TMEM230: variants seen among roughly 807,000 people sequenced by gnomAD.
TMEM230 encodes transmembrane protein 230.
In TMEM230, 10 loss-of-function variants were observed where a neutral mutation model predicts 15.8. The observed-to-expected ratio is 0.63, with a 90% CI of 0.39 to 1.07. TMEM230 has a LOEUF of 1.07. Ranked by LOEUF, TMEM230 falls within the 50% of genes least tolerant of loss-of-function variation. The pLI is 0.01. For synonymous variants in TMEM230, 67 were observed against 76.9 expected (o/e 0.87, Z 0.68); for missense variants, 165 against 193.3 (o/e 0.85, Z 0.87).
At chr20:5,094,704 C>CACAAAA (rs1246439101) in intron 3 of TMEM230, among the ~76,000 whole-genome samples, 16 of 61,618 alleles carry the variant, frequency 2.6e-4, no homozygotes, top group Non-Finnish European at 3.1e-4. Context: ...GACTCCATCT[C>CACAAAA]AAAAAAAAAA....
At chr20:5,090,069 AT>A (rs760147736) in intron 3 of TMEM230, among the ~76,000 whole-genome samples, 16 of 152,158 alleles carry the variant, frequency 1.1e-4, no homozygotes, top group Non-Finnish European at 2.4e-4. Context: ...AACTGAGGAA[AT>A]CTTCCACAAA....
chr20:5,067,762 CT>C (rs3056049), downstream of TMEM230, among the ~76,000 whole-genome samples: 206 of 135,736 alleles, frequency 1.5e-3, no homozygotes, highest in Middle Eastern at 3.9e-3. Context: ...CCCCCCTCTG[CT>C]TTTTTTTTTT....
chr20:5,066,181 C>CT (rs1322871096), downstream of TMEM230: 2 of 152,290 alleles, frequency 1.3e-5, no homozygotes, highest in Non-Finnish European at 2.9e-5. Flanking sequence ...CCAGACCAGG[C>CT]TGGGACTGGC....
chr20:5,104,105 G>C (rs2089979403), intron 4 of TMEM230, among the ~76,000 whole-genome samples: 1 of 152,010 alleles, frequency 6.6e-6, no homozygotes, highest in South Asian at 2.1e-4. Context: ...ATCAAAAATG[G>C]GCATTTCTCA....
downstream of TMEM230, among the ~76,000 whole-genome samples, chr20:5,065,258 A>T (rs568768273): frequency 4.6e-5 from 7 of 152,234 alleles, no homozygotes; most frequent in African/African-American, 1.7e-4. Context: ...TCTCTCAAAA[A>T]AAAAAAGATT....
rs2089816490 is a variant in TMEM230 at position 5,100,668 on chromosome 20, G to A, written c.*123C>T. On this transcript the variant is annotated 3_prime_UTR_variant, in exon 5 of 5. Coordinates refer to ENST00000342308, the MANE Select transcript of TMEM230 (RefSeq NM_001009923.2). ...TCTTTGGGAAGGACCCAAAAAATCT[G>A]GCCATTATTTTCTTAAACATCTGCA... is the stretch of plus-strand genomic sequence containing the variant. 9 of 1,484,046 alleles carry A rather than the reference G, an allele frequency of 6.1e-6. No homozygotes were observed. In the South Asian group the frequency reaches 9.9e-5, roughly 16 times the overall value. 91.9% of individuals were successfully genotyped at this position (1,484,046 alleles called of 1,614,324 possible). A position where few individuals can be genotyped will look rare whatever the true frequency, so the allele number is the denominator to read the frequency against.
chr20:5,065,623 C>T (rs1182025870), downstream of TMEM230, among the ~76,000 whole-genome samples: 1 of 152,200 alleles, frequency 6.6e-6, no homozygotes, highest in Non-Finnish European at 1.5e-5. Flanking sequence ...CTCCTCACTA[C>T]CACCAGCTTC....
intron 3 of TMEM230, among the ~76,000 whole-genome samples, chr20:5,091,685 G>T (rs1297024865): frequency 2.6e-5 from 4 of 151,762 alleles, no homozygotes; most frequent in African/African-American, 7.3e-5. Context: ...TAAGTATATT[G>T]CAAACTTCTG....
At chr20:5,075,312 G>A (rs960909359) in intron 3 of TMEM230, among the ~76,000 whole-genome samples, 1 of 151,328 alleles carries the variant, frequency 6.6e-6, no homozygotes, top group Non-Finnish European at 1.5e-5. Flanking sequence ...TGATCCACCC[G>A]TCTCGGCCTC....
intron 3 of TMEM230, among the ~76,000 whole-genome samples, chr20:5,076,051 G>C (rs1600280552): frequency 6.6e-6 from 1 of 151,864 alleles, no homozygotes; most frequent in Non-Finnish European, 1.5e-5. Flanking sequence ...GGAGGTTGCA[G>C]TGAATTGAGA....
rs1055543199 is a variant in TMEM230, at chr20:5,106,271, C to T, written c.328G>A (p.Ala110Thr). 2.4e-5 allele frequency: 38 copies of T among 1,613,694 alleles called. No individual in the cohort carries two copies. Among genetic ancestry groups the T allele is most frequent in the Middle Eastern group, 1.6e-4 (1 of 6,084 alleles). Residue 110 changes from alanine (A) to threonine (T), a missense_variant, in exon 4 of 5, where the codon GCA becomes ACA. Physicochemically the swap from Ala to Thr is moderately conservative, Grantham distance 58 (BLOSUM62 0). Coordinates refer to ENST00000342308, the MANE Select transcript of TMEM230 (RefSeq NM_001009923.2). ...ATCAAAAACAGCACAGTGGCAAGTG[C>T]GATGGCCTTATAAGGGATCTTAGGA...
At chr20:5,065,541 T>G (rs995048434), downstream of TMEM230, among the ~76,000 whole-genome samples, 1 of 152,216 alleles carries the variant, frequency 6.6e-6, no homozygotes, top group African/African-American at 2.4e-5. Flanking sequence ...GAGAAGTGGC[T>G]GTGAGTGGGG....
the TMEM230 span, among the ~76,000 whole-genome samples, chr20:5,059,171 TA>T: frequency 7.2e-5 from 11 of 152,244 alleles, no homozygotes; most frequent in African/African-American, 2.6e-4. Flanking sequence ...ATTTTCTATT[TA>T]TTTTTTTTTG....
At position 5,100,198 on chromosome 20, in the gene TMEM230, A is replaced by T. The variant is rs980453120; in HGVS notation, c.*593T>A. 2.7e-5 allele frequency: 27 copies of T among 985,548 alleles called. No homozygotes were observed. The highest frequency in any genetic ancestry group is 3.1e-5 in the Non-Finnish European group (26 of 830,002). 61.1% of individuals were successfully genotyped at this position (985,548 alleles called of 1,614,324 possible). ...TGGTGAACTGGATCAGAATGGTCCA[A>T]GGACTGTTAAACAGAGGAAGTATTT... is the stretch of plus-strand genomic sequence containing the variant. On this transcript the variant is annotated 3_prime_UTR_variant, in exon 5 of 5. Transcript: ENST00000342308.
intron 3 of TMEM230, among the ~76,000 whole-genome samples, chr20:5,086,092 A>G (rs1007470828): frequency 5.9e-5 from 9 of 152,202 alleles, no homozygotes; most frequent in East Asian, 1.9e-4. Context: ...ATAGTTCACA[A>G]TGAAAAGGGT....
chr20:5,087,944 T>G (rs1377107319), intron 3 of TMEM230, among the ~76,000 whole-genome samples: 11 of 139,134 alleles, frequency 7.9e-5, no homozygotes, highest in Admixed American at 2.9e-4. Flanking sequence ...CTGCCCGCGG[T>G]GGCCTCCCAA....
rs1400266777 is a variant in TMEM230 at position 5,100,100 on chromosome 20, T to C, written c.*691A>G. The C allele has an allele frequency of 2.0e-6, 2 of 985,296 alleles. No homozygotes were observed. The highest frequency in any genetic ancestry group is 3.5e-5 in the African/African-American group (2 of 57,236). The allele number at this position is 985,296 out of a possible 1,614,324, so 61.0% of individuals were successfully genotyped here. On this transcript the variant is annotated 3_prime_UTR_variant, in exon 5 of 5. Coordinates refer to ENST00000342308, the MANE Select transcript of TMEM230 (RefSeq NM_001009923.2). ...AGGAAACAGCCAAAAGTCCGGCCGTTAAAGGAATAATCTGCAGAACATCTT... is the reference window on the plus strand; with the variant it reads ...AGGAAACAGCCAAAAGTCCGGCCGTCAAAGGAATAATCTGCAGAACATCTT...
At chr20:5,081,596 A>G (rs542629310) in intron 3 of TMEM230, among the ~76,000 whole-genome samples, 1 of 152,334 alleles carries the variant, frequency 6.6e-6, no homozygotes, top group South Asian at 2.1e-4. Flanking sequence ...GAGCTAAGAG[A>G]CACAGATCAG....
chr20:5,100,540 C>T lies in TMEM230; in HGVS notation c.*251G>A, dbSNP rs2089812035. On this transcript the variant is annotated 3_prime_UTR_variant, in exon 5 of 5. Transcript: ENST00000342308. Reference sequence around the variant, plus strand: ...GCAACACTTTTCCATTACAGAATAACCTCTATTCTTCCATGATACATATTC... The same window carrying T: ...GCAACACTTTTCCATTACAGAATAATCTCTATTCTTCCATGATACATATTC... 8.0e-7 allele frequency: 1 copy of T among 1,244,370 alleles called. No homozygotes were observed. The highest frequency in any genetic ancestry group is 1.0e-6 in the Non-Finnish European group (1 of 988,718). The allele number at this position is 1,244,370 out of a possible 1,614,324, so 77.1% of individuals were successfully genotyped here.
Sources: allele counts gnomAD v4.1 joint callset (sites outside exome capture counted in the v4.1 genomes callset), GRCh38; gene constraint gnomAD v4.1.1; transcripts MANE v1.5; gene names NCBI Gene and HGNC (gene_info 2026-07-23, HGNC 2026-07-21).